EPHA6: variants seen among roughly 807,000 people sequenced by gnomAD.
EPHA6 encodes EPH receptor A6.
In EPHA6, 50 loss-of-function variants were observed where a neutral mutation model predicts 112.0. That is an observed-to-expected ratio of 0.45 (90% CI 0.36 to 0.56). EPHA6 has a LOEUF of 0.56. Among genes scored for constraint, EPHA6 ranks in the 20% least tolerant of loss-of-function variants. EPHA6 has a pLI of 0.00. For missense variants in EPHA6, 1,280 were observed against 1,417.4 expected (o/e 0.90, Z 1.56); for synonymous variants, 529 against 490.7 (o/e 1.08, Z -1.03).
chr3:97,049,443 G>T (rs1429403728), intron 3 of EPHA6, among the ~76,000 whole-genome samples: 1 of 152,144 alleles, frequency 6.6e-6, no homozygotes, highest in Admixed American at 6.5e-5. Context: ...ACAGATTTGT[G>T]GTAAAGATAA....
chr3:96,973,936 T>C (rs1443208472), intron 2 of EPHA6, among the ~76,000 whole-genome samples: 1 of 145,820 alleles, frequency 6.9e-6, no homozygotes, highest in East Asian at 1.9e-4. Context: ...ATATAATATA[T>C]AATATAGTGT....
At chr3:97,648,290 T>C (rs201355261) in intron 14 of EPHA6, 13 of 1,113,552 alleles carry the variant, frequency 1.2e-5, no homozygotes, top group Non-Finnish European at 1.8e-5. Flanking sequence ...TCATAGGACC[T>C]CTTCCAAACT....
intron 10 of EPHA6, among the ~76,000 whole-genome samples, chr3:97,506,396 C>T (rs13097907): frequency 2.0e-5 from 3 of 152,186 alleles, no homozygotes; most frequent in Non-Finnish European, 4.4e-5. Context: ...CAGTTTTCTG[C>T]ATATGGCTAG....
At chr3:96,893,019 A>G (rs1217287444) in intron 2 of EPHA6, among the ~76,000 whole-genome samples, 1 of 151,594 alleles carries the variant, frequency 6.6e-6, no homozygotes, top group African/African-American at 2.4e-5. Flanking sequence ...GTCATGTGCC[A>G]CAAAACCACA....
intron 14 of EPHA6, among the ~76,000 whole-genome samples, chr3:97,690,482 T>C (rs1056291846): frequency 6.6e-6 from 1 of 152,240 alleles, no homozygotes; most frequent in South Asian, 2.1e-4. Flanking sequence ...TTTTTTTTTT[T>C]TGGAGACAGA....
chr3:97,374,459 G>A (rs1309970288), intron 5 of EPHA6, among the ~76,000 whole-genome samples: 1 of 151,984 alleles, frequency 6.6e-6, no homozygotes, highest in Non-Finnish European at 1.5e-5. Context: ...TCTTCATCTT[G>A]ACAAGCCACC....
At chr3:97,698,491 T>A (rs1382754458) in intron 14 of EPHA6, among the ~76,000 whole-genome samples, 8 of 152,296 alleles carry the variant, frequency 5.3e-5, no homozygotes, top group African/African-American at 1.9e-4. Flanking sequence ...AAACTTGTCT[T>A]CTGTCTCTGA....
At chr3:96,975,361 C>A (rs1331569546) in intron 2 of EPHA6, among the ~76,000 whole-genome samples, 2 of 152,072 alleles carry the variant, frequency 1.3e-5, no homozygotes, top group Non-Finnish European at 2.9e-5. Context: ...CTCCTCTCAG[C>A]AAGCTTTTTA....
chr3:97,088,907 G>A (rs752483479), intron 3 of EPHA6, among the ~76,000 whole-genome samples: 32 of 152,258 alleles, frequency 2.1e-4, no homozygotes, highest in East Asian at 3.9e-4. Context: ...TACTCGAGAC[G>A]CTAAGGAAGT....
chr3:97,578,778 TA>T (rs1156907618), intron 11 of EPHA6, among the ~76,000 whole-genome samples: 1 of 152,196 alleles, frequency 6.6e-6, no homozygotes, highest in Non-Finnish European at 1.5e-5. Context: ...ATCATAAATT[TA>T]AAAAATTTCA....
intron 2 of EPHA6, among the ~76,000 whole-genome samples, chr3:96,947,830 A>T (rs2107710297): frequency 6.6e-6 from 1 of 152,282 alleles, no homozygotes; most frequent in South Asian, 2.1e-4. Context: ...TGCCCAAGGT[A>T]ACTTATAGAT....
intron 5 of EPHA6, chr3:97,244,709 T>C (rs2078938366): frequency 1.1e-5 from 2 of 187,562 alleles, no homozygotes; most frequent in African/African-American, 2.3e-5. Flanking sequence ...ATAATTCATG[T>C]CTATATTATG....
At chr3:97,047,233 G>A (rs1335014398) in intron 3 of EPHA6, among the ~76,000 whole-genome samples, 2 of 151,948 alleles carry the variant, frequency 1.3e-5, no homozygotes, top group African/African-American at 4.8e-5. Context: ...GGGCACAGTG[G>A]CTCATGCCTG....
At chr3:96,861,762 G>A (rs1462086181) in intron 1 of EPHA6, among the ~76,000 whole-genome samples, 1 of 151,922 alleles carries the variant, frequency 6.6e-6, no homozygotes, top group Non-Finnish European at 1.5e-5. Flanking sequence ...ACAAAATGCT[G>A]TAAGTACACC....
intron 2 of EPHA6, among the ~76,000 whole-genome samples, chr3:96,927,092 T>G (rs926801917): frequency 2.6e-5 from 4 of 152,242 alleles, no homozygotes; most frequent in Non-Finnish European, 2.9e-5. Flanking sequence ...ACCTTAATTC[T>G]TGACTTTTGT....
intron 3 of EPHA6, among the ~76,000 whole-genome samples, chr3:97,002,629 G>T (rs2043707971): frequency 6.6e-6 from 1 of 151,680 alleles, no homozygotes; most frequent in Admixed American, 6.6e-5. Context: ...TCTGTTGAAT[G>T]CTATGAAGTA....
intron 3 of EPHA6, among the ~76,000 whole-genome samples, chr3:97,218,682 C>T (rs1042998671): frequency 3.9e-5 from 6 of 152,104 alleles, no homozygotes; most frequent in Admixed American, 2.0e-4. Flanking sequence ...AAAAGCCTAA[C>T]CAAATCATTC....
chr3:97,689,062 C>T (rs1245386241), intron 14 of EPHA6, among the ~76,000 whole-genome samples: 1 of 152,144 alleles, frequency 6.6e-6, no homozygotes, highest in African/African-American at 2.4e-5. Flanking sequence ...ATATTTCAAG[C>T]ACATTGTCAA....
chr3:96,956,221 A>T (rs560012126), intron 2 of EPHA6, among the ~76,000 whole-genome samples: 84 of 152,348 alleles, frequency 5.5e-4, no homozygotes, highest in Middle Eastern at 3.4e-3. Context: ...ATTGGTAATT[A>T]AAAGAAAATT....
Sources: gnomAD v4.1 joint callset for allele counts (sites outside exome capture counted in the v4.1 genomes callset) on GRCh38, gnomAD v4.1.1 for gene constraint, MANE v1.5 for transcripts, NCBI Gene and HGNC (gene_info 2026-07-23, HGNC 2026-07-21) for gene names.